Variants in MINDY3 observed in about 807,000 individuals in gnomAD.
MINDY3 encodes ubiquitin carboxyl-terminal hydrolase MINDY-3.
In MINDY3, 38 loss-of-function variants were observed where a neutral mutation model predicts 69.2. The observed-to-expected ratio is 0.55, with a 90% CI of 0.42 to 0.72. The LOEUF (loss-of-function observed/expected upper bound fraction) is 0.72. MINDY3 is among the 30% of genes least tolerant of loss of function. The pLI is 0.00. For missense variants in MINDY3, 522 were observed against 519.0 expected, an observed-to-expected ratio of 1.01 and a Z score of -0.06; for synonymous variants, 192 against 180.1, an observed-to-expected ratio of 1.07 and a Z score of -0.53.
Position 15,807,091 on chromosome 10 carries a change from C to T in MINDY3, c.882+9744G>A, listed in dbSNP as rs182307502. ...GACTGTAACATGCAGATGAAAACGGCACGCAGCTCACAGGGTTGGTTTGAG... is the reference window on the plus strand; with the variant it reads ...GACTGTAACATGCAGATGAAAACGGTACGCAGCTCACAGGGTTGGTTTGAG... On this transcript the variant is annotated intron_variant, in intron 10 of 14. Transcript: ENST00000277632. Among the ~76,000 whole-genome samples, 74 of 152,260 alleles carry T rather than the reference C, an allele frequency of 4.9e-4. 1 individual carries two copies. The highest frequency in any genetic ancestry group is 7.4e-5 in the Non-Finnish European group (5 of 68,016).
intron 10 of MINDY3, among the ~76,000 whole-genome samples, chr10:15,812,599 A>ATCAG (rs1839082064): frequency 1.3e-5 from 2 of 152,206 alleles, no homozygotes; most frequent in South Asian, 4.1e-4. Flanking sequence ...TACGTGGTGC[A>ATCAG]TCAGTCTACA....
intron 8 of MINDY3, among the ~76,000 whole-genome samples, chr10:15,830,469 T>C (rs1413329364): frequency 6.6e-6 from 1 of 152,218 alleles, no homozygotes; most frequent in Non-Finnish European, 1.5e-5. Context: ...CCAACCACAG[T>C]AGTCTAATTC....
intron 10 of MINDY3, among the ~76,000 whole-genome samples, chr10:15,803,268 C>T (rs969371468): frequency 3.9e-5 from 6 of 151,960 alleles, no homozygotes; most frequent in South Asian, 2.1e-4. Context: ...TAATTTTTGC[C>T]GATTTATTTA....
chr10:15,829,718 T>C (rs779516492), intron 8 of MINDY3, among the ~76,000 whole-genome samples: 1 of 152,132 alleles, frequency 6.6e-6, no homozygotes, highest in Non-Finnish European at 1.5e-5. Context: ...CAGAAAGCTA[T>C]AGCATGATAG....
chr10:15,815,847 G>A (rs1839319600), intron 10 of MINDY3, among the ~76,000 whole-genome samples: 1 of 152,184 alleles, frequency 6.6e-6, no homozygotes, highest in Non-Finnish European at 1.5e-5. Flanking sequence ...GAAGTGGCAA[G>A]GCTGGGATTA....
At chr10:15,790,362 A>C (rs1484254093) in intron 11 of MINDY3, among the ~76,000 whole-genome samples, 1 of 152,186 alleles carries the variant, frequency 6.6e-6, no homozygotes, top group African/African-American at 2.4e-5. Context: ...CATCTAGAAT[A>C]ATTAAAAATG....
At chr10:15,827,981 G>A (rs945932810) in intron 8 of MINDY3, among the ~76,000 whole-genome samples, 5 of 152,138 alleles carry the variant, frequency 3.3e-5, no homozygotes, top group African/African-American at 1.2e-4. Context: ...AGTTGATAAA[G>A]CAAATTTTAG....
chr10:15,807,416 A>C (rs1838711829), intron 10 of MINDY3, among the ~76,000 whole-genome samples: 1 of 152,184 alleles, frequency 6.6e-6, no homozygotes. Flanking sequence ...TGATAAGCGT[A>C]TTCTGGGCAG....
intron 10 of MINDY3, among the ~76,000 whole-genome samples, chr10:15,816,107 C>G (rs1839338347): frequency 6.6e-6 from 1 of 151,220 alleles, no homozygotes; most frequent in Non-Finnish European, 1.5e-5. Flanking sequence ...CTACTAAAAA[C>G]ACAATTAGCT....
At position 15,795,846 on chromosome 10, in the gene MINDY3, T is replaced by C. The variant is rs552731429; in HGVS notation, c.955+254A>G. ...TTCAAAAGGTGGTATTTTTCCCTGT[T>C]TGGGGTCAAGATTAATCAGAGGGGT... On this transcript the variant is annotated intron_variant, in intron 11 of 14. Transcript: ENST00000277632. Among the ~76,000 whole-genome samples, 276 of 152,116 alleles carry C rather than the reference T, an allele frequency of 1.8e-3. 7 individuals carry two copies. Among genetic ancestry groups the C allele is most frequent in the South Asian group, 8.3e-3 (40 of 4,830 alleles).
intron 10 of MINDY3, among the ~76,000 whole-genome samples, chr10:15,805,747 A>C (rs894246384): frequency 6.6e-6 from 1 of 152,146 alleles, no homozygotes; most frequent in African/African-American, 2.4e-5. Flanking sequence ...TTTGGCCAGA[A>C]GTCTTGTTCT....
chr10:15,789,124 C>T, intron 12 of MINDY3, 123 bp downstream of exon 12: 1 of 590,386 alleles, frequency 1.7e-6, no homozygotes. Flanking sequence ...CTTTGCCTTA[C>T]ATAGATTGCT....
intron 3 of MINDY3, among the ~76,000 whole-genome samples, chr10:15,842,741 C>T (rs1833561122): frequency 6.6e-6 from 1 of 151,796 alleles, no homozygotes; most frequent in South Asian, 2.1e-4. Flanking sequence ...TGGCACCACA[C>T]ATCTCTCTGG....
intron 1 of MINDY3, among the ~76,000 whole-genome samples, chr10:15,853,457 T>C (rs1834450856): frequency 6.6e-6 from 1 of 151,274 alleles, no homozygotes; most frequent in South Asian, 2.1e-4. Flanking sequence ...ATCGAGACAG[T>C]AACATCAAGC....
At position 15,796,108 on chromosome 10, in the gene MINDY3, T is replaced by A. The variant is rs1369887925; in HGVS notation, c.947A>T (p.Asp316Val). The part of the protein sequence containing the change: ...EQARRVFQTY[D>V]PEDNGFIPDS... ...ATGTTAAAATCTTTTACCTTCTGGGTCGTAGGTTTGAAAAACTCTTCTGGC... is the reference window on the plus strand; with the variant it reads ...ATGTTAAAATCTTTTACCTTCTGGGACGTAGGTTTGAAAAACTCTTCTGGC... Residue 316 changes from aspartate (D) to valine (V), a missense_variant, in exon 11 of 15, where the codon GAC becomes GTC. By Grantham distance (152) the Asp-to-Val change is radical. Transcript: ENST00000277632. 6.2e-7 allele frequency: 1 copy of A among 1,612,070 alleles called. No individual in the cohort carries two copies. The highest frequency in any genetic ancestry group is 1.7e-5 in the Admixed American group (1 of 59,952).
At chr10:15,804,573 G>T in intron 10 of MINDY3, among the ~76,000 whole-genome samples, 1 of 151,852 alleles carries the variant, frequency 6.6e-6, no homozygotes, top group East Asian at 1.9e-4. Context: ...AAGAATGACT[G>T]CACATATATA....
Position 15,852,455 on chromosome 10 carries a change from G to A in MINDY3, c.95-4512C>T, listed in dbSNP as rs530229824. Among the ~76,000 whole-genome samples, 8 of 152,270 alleles carry A rather than the reference G, an allele frequency of 5.3e-5. No individual in the cohort carries two copies. In the South Asian group the frequency reaches 1.7e-3, roughly 32 times the overall value. ...CTTAAACATGTCAGTTAAAGTGAAT[G>A]AGAACTTGTAAAACAAAAATAATGA... On this transcript the variant is annotated intron_variant, in intron 1 of 14. Transcript: ENST00000277632.
intron 10 of MINDY3, among the ~76,000 whole-genome samples, chr10:15,814,668 C>T (rs1275097764): frequency 6.6e-6 from 1 of 152,068 alleles, no homozygotes; most frequent in Non-Finnish European, 1.5e-5. Flanking sequence ...AGAGACAGCC[C>T]CTGCCCTAGA....
intron 8 of MINDY3, among the ~76,000 whole-genome samples, chr10:15,832,710 G>A (rs2132052322): frequency 6.6e-6 from 1 of 152,254 alleles, no homozygotes; most frequent in South Asian, 2.1e-4. Context: ...AGTAAAACGG[G>A]TTGTACTGTG....
Sources: allele counts gnomAD v4.1 joint callset (sites outside exome capture counted in the v4.1 genomes callset), GRCh38; gene constraint gnomAD v4.1.1; transcripts MANE v1.5; gene names NCBI Gene and HGNC (gene_info 2026-07-23, HGNC 2026-07-21).